KCNAB1: variants seen among roughly 807,000 people sequenced by gnomAD.
The protein encoded by KCNAB1 is voltage-gated potassium channel subunit beta-1.
A neutral mutation model predicts 64.6 loss-of-function variants in KCNAB1; 35 were observed. The ratio of observed to expected loss-of-function variants is 0.54; its 90% CI spans 0.41 to 0.72. The LOEUF (loss-of-function observed/expected upper bound fraction) is 0.72, where lower values mean the gene tolerates loss of function less well. Ranked by LOEUF, KCNAB1 falls within the 30% of genes least tolerant of loss-of-function variation. The pLI, the probability that KCNAB1 is intolerant of heterozygous loss-of-function variation, is 0.00. For synonymous variants in KCNAB1, 177 were observed against 183.8 expected (o/e 0.96, Z 0.30); for missense variants, 401 against 512.9 (o/e 0.78, Z 2.11).
intron 8 of KCNAB1, among the ~76,000 whole-genome samples, chr3:156,512,336 TG>T (rs1717266771): frequency 6.6e-6 from 1 of 152,248 alleles, no homozygotes; most frequent in South Asian, 2.1e-4. Flanking sequence ...TCACTGCTTT[TG>T]TCAAGGACTC....
chr3:156,404,998 A>C (rs2108198829), intron 1 of KCNAB1, among the ~76,000 whole-genome samples: 1 of 152,372 alleles, frequency 6.6e-6, no homozygotes, highest in Non-Finnish European at 1.5e-5. Flanking sequence ...ACTTTAGACA[A>C]GCCTAGAAGG....
chr3:156,129,177 A>G (rs916868997), intron 1 of KCNAB1, among the ~76,000 whole-genome samples: 13 of 151,038 alleles, frequency 8.6e-5, no homozygotes, highest in Non-Finnish European at 1.5e-4. Flanking sequence ...TTCTTTTCCC[A>G]TTAAGGGGAT....
At chr3:156,472,541 G>A (rs1713999095) in intron 7 of KCNAB1, among the ~76,000 whole-genome samples, 1 of 152,218 alleles carries the variant, frequency 6.6e-6, no homozygotes, top group African/African-American at 2.4e-5. Context: ...CCTTTAGAGG[G>A]ACAATTTCCT....
chr3:156,426,438 TG>T (rs949598469), intron 2 of KCNAB1, among the ~76,000 whole-genome samples: 1 of 152,172 alleles, frequency 6.6e-6, no homozygotes, highest in African/African-American at 2.4e-5. Context: ...TTCACCAGAG[TG>T]GCACATTTGT....
rs989994687 is a variant in KCNAB1 at position 156,452,429 on chromosome 3, C to T, written c.320-470C>T. ...TTGTAAGTGGGCACTGGAAAGACCT[C>T]TAAGAGGGTTTCTTTTGAAAAGTAA... On this transcript the variant is annotated intron_variant, in intron 2 of 13. Transcript: ENST00000490337. This position sits in a 1 kb window ranked among gnomAD's most constrained non-coding sequence, Gnocchi z 4.6. Among the ~76,000 whole-genome samples the T allele has an allele frequency of 4.6e-5, 7 of 152,182 alleles. No individual in the cohort carries two copies. Among genetic ancestry groups the T allele is most frequent in the African/African-American group, 1.7e-4 (7 of 41,440 alleles).
intron 13 of KCNAB1, among the ~76,000 whole-genome samples, chr3:156,531,993 C>T (rs1419313032): frequency 9.5e-6 from 1 of 104,960 alleles, no homozygotes; most frequent in East Asian, 3.2e-4. Flanking sequence ...TGAGGTCAGA[C>T]CTGTGTCTTT....
chr3:156,154,014 A>G (rs922141317), intron 1 of KCNAB1, among the ~76,000 whole-genome samples: 1 of 152,220 alleles, frequency 6.6e-6, no homozygotes. Context: ...GAAAACTCTA[A>G]GTAACATAGA....
chr3:156,236,363 C>T (rs1463469368), intron 1 of KCNAB1, among the ~76,000 whole-genome samples: 6 of 152,142 alleles, frequency 3.9e-5, no homozygotes, highest in Non-Finnish European at 7.3e-5. Context: ...GTCGCATCAC[C>T]TGGGGGAGAT....
intron 1 of KCNAB1, 48 bp from the exon 2 acceptor site, chr3:156,421,568 T>C (rs1461484843): frequency 6.3e-7 from 1 of 1,589,234 alleles, no homozygotes; most frequent in Non-Finnish European, 8.6e-7. Flanking sequence ...GCATGTACAG[T>C]TCCACCTGAG....
chr3:156,388,226 T>C (rs1402575729), intron 1 of KCNAB1, among the ~76,000 whole-genome samples: 1 of 152,190 alleles, frequency 6.6e-6, no homozygotes, highest in African/African-American at 2.4e-5. Flanking sequence ...TAGAACCTTG[T>C]ATCTGGAGCT....
chr3:156,250,223 G>C (rs1717739291), intron 1 of KCNAB1, among the ~76,000 whole-genome samples: 1 of 152,116 alleles, frequency 6.6e-6, no homozygotes, highest in South Asian at 2.1e-4. Context: ...AATGCACCAA[G>C]GGAGTTGTTG....
intron 8 of KCNAB1, among the ~76,000 whole-genome samples, chr3:156,507,793 G>A (rs558283038): frequency 1.3e-5 from 2 of 152,064 alleles, no homozygotes; most frequent in Middle Eastern, 6.8e-3. Context: ...CATTATACCA[G>A]TGTTGTAGCC....
intron 1 of KCNAB1, among the ~76,000 whole-genome samples, chr3:156,197,343 C>A (rs1164116240): frequency 6.6e-6 from 1 of 152,170 alleles, no homozygotes; most frequent in Admixed American, 6.5e-5. Flanking sequence ...GAGAGGAGTT[C>A]CTCTTTTTCT....
chr3:156,309,553 T>C (rs2108003270), intron 1 of KCNAB1, among the ~76,000 whole-genome samples: 1 of 152,364 alleles, frequency 6.6e-6, no homozygotes, highest in East Asian at 1.9e-4. Context: ...CTTTCAGCTT[T>C]TACCTTTACT....
intron 11 of KCNAB1, among the ~76,000 whole-genome samples, chr3:156,517,577 A>AG (rs1484743737): frequency 6.6e-6 from 1 of 152,224 alleles, no homozygotes; most frequent in African/African-American, 2.4e-5. Context: ...AAGGGAGTGA[A>AG]GAAGGAAGGA....
At chr3:156,391,937 G>T (rs947829804) in intron 1 of KCNAB1, among the ~76,000 whole-genome samples, 2 of 152,174 alleles carry the variant, frequency 1.3e-5, no homozygotes, top group African/African-American at 4.8e-5. Context: ...ATTAAAAGAA[G>T]AAATGTTTTG....
At chr3:156,492,403 G>A (rs1715692898) in intron 8 of KCNAB1, among the ~76,000 whole-genome samples, 1 of 152,058 alleles carries the variant, frequency 6.6e-6, no homozygotes, top group Non-Finnish European at 1.5e-5. Context: ...GGGGGCCCAG[G>A]CCTAAGAAGC....
intron 3 of KCNAB1, among the ~76,000 whole-genome samples, chr3:156,454,814 T>C (rs1576887423): frequency 2.0e-5 from 3 of 152,204 alleles, no homozygotes; most frequent in African/African-American, 7.2e-5. Context: ...TCTGAGCAGA[T>C]TGGCCAAGTA....
At chr3:156,120,122 C>T (rs1393756393), upstream of KCNAB1, among the ~76,000 whole-genome samples, 3 of 152,168 alleles carry the variant, frequency 2.0e-5, no homozygotes, top group Non-Finnish European at 2.9e-5. Flanking sequence ...CTTTCCCTTG[C>T]ATTGATACTG....
Sources: gnomAD v4.1 joint callset for allele counts (sites outside exome capture counted in the v4.1 genomes callset) on GRCh38, gnomAD v4.1.1 for gene constraint, Gnocchi (gnomAD v3.1) non-coding constraint, MANE v1.5 for transcripts, NCBI Gene and HGNC (gene_info 2026-07-23, HGNC 2026-07-21) for gene names.